The following TANC1 variants were observed in gnomAD, a reference collection of about 807,000 sequenced individuals.
The protein encoded by TANC1 is protein TANC1.
Under a neutral mutation model 149.7 loss-of-function variants are expected in TANC1, and 77 were observed. The ratio of observed to expected loss-of-function variants is 0.51; its 90% CI spans 0.43 to 0.62. TANC1 has a LOEUF of 0.62. TANC1 is among the 20% of genes least tolerant of loss of function. TANC1 has a pLI of 0.00. For synonymous variants in TANC1, 854 were observed against 925.0 expected, an observed-to-expected ratio of 0.92 and a Z score of 1.39; for missense variants, 1,985 against 2,321.8, an observed-to-expected ratio of 0.85 and a Z score of 2.98.
intron 5 of TANC1, 157 bp from the exon 6 acceptor site, chr2:159,148,985 T>G: frequency 1.3e-6 from 1 of 761,144 alleles, no homozygotes; most frequent in Non-Finnish European, 2.1e-6. Context: ...TTAATTAGAA[T>G]GTATTGCTAG....
intron 3 of TANC1, among the ~76,000 whole-genome samples, chr2:159,069,089 C>T (rs903308261): frequency 1.3e-5 from 2 of 152,130 alleles, no homozygotes; most frequent in African/African-American, 2.4e-5. Context: ...TGAAAATCAT[C>T]GAGTAAACTC....
chr2:159,159,713 T>TGAGAGA (rs1429082453), intron 7 of TANC1, among the ~76,000 whole-genome samples: 12 of 65,642 alleles, frequency 1.8e-4, no homozygotes, highest in South Asian at 6.5e-4. Flanking sequence ...TGTGTGTGTG[T>TGAGAGA]GTGTGAGAGA....
rs1224862231 is a variant in TANC1 at position 159,198,993 on chromosome 2, G to A, written c.3184G>A (p.Gly1062Arg). Reference protein sequence around the residue: ...GHSSVVQCLLGMEKEHEVEVN... With the variant: ...GHSSVVQCLLRMEKEHEVEVN... Reference sequence around the variant, plus strand: ...CTGACAGGTGGTCCAGTGCTTGCTGGGGATGGAGAAGGAACATGAAGTAGA... The same window carrying A: ...CTGACAGGTGGTCCAGTGCTTGCTGAGGATGGAGAAGGAACATGAAGTAGA... Residue 1062 changes from glycine (G) to arginine (R), a missense_variant, in exon 19 of 27, where the codon GGG becomes AGG. Coordinates refer to ENST00000263635, the MANE Select transcript of TANC1 (RefSeq NM_033394.3). The A allele has an allele frequency of 6.2e-7, 1 of 1,613,982 alleles. No homozygotes were observed. Among genetic ancestry groups the A allele is most frequent in the Admixed American group, 1.7e-5 (1 of 60,002 alleles).
intron 22 of TANC1, among the ~76,000 whole-genome samples, chr2:159,223,152 G>A (rs546460518): frequency 6.6e-6 from 1 of 152,296 alleles, no homozygotes; most frequent in African/African-American, 2.4e-5. Flanking sequence ...GTGATTGCCT[G>A]CCTCGGCCTC....
At chr2:158,977,196 GT>G (rs1297055457) in intron 1 of TANC1, among the ~76,000 whole-genome samples, 1 of 152,062 alleles carries the variant, frequency 6.6e-6, no homozygotes. Flanking sequence ...CTGGAGTACA[GT>G]GGTGTGATGA....
chr2:159,079,212 A>G (rs958612523), intron 3 of TANC1, among the ~76,000 whole-genome samples: 1 of 152,056 alleles, frequency 6.6e-6, no homozygotes, highest in African/African-American at 2.4e-5. Context: ...GTTGTTTTTT[A>G]AAGAGATGGG....
At chr2:159,195,719 C>T (rs1278157396) in intron 17 of TANC1, among the ~76,000 whole-genome samples, 1 of 152,192 alleles carries the variant, frequency 6.6e-6, no homozygotes, top group Non-Finnish European at 1.5e-5. Context: ...TGCTGCACAT[C>T]ACCGCACCTC....
chr2:159,219,771 C>T lies in TANC1; in HGVS notation c.3582C>T (p.Val1194=). The T allele has an allele frequency of 6.2e-7, 1 of 1,614,182 alleles. No homozygotes were observed. The highest frequency in any genetic ancestry group is 1.1e-5 in the South Asian group (1 of 91,072). The change falls in exon 22 of 27, where the codon GTC becomes GTT. Residue 1194 remains valine, a synonymous_variant. Transcript: ENST00000263635. ...GTCTGAAAGGTCACAGGGCAGTGGT[C>T]CAGTATCTGGTTGAAGAAGGAGCTG... is the stretch of plus-strand genomic sequence containing the variant. ...WACLKGHRAV[V]QYLVEEGAAI...
At chr2:159,019,239 C>T (rs1420568046) in intron 2 of TANC1, among the ~76,000 whole-genome samples, 1 of 152,174 alleles carries the variant, frequency 6.6e-6, no homozygotes, top group Admixed American at 6.5e-5. Flanking sequence ...GGGAGGGAAA[C>T]TGAAGCCCAG....
chr2:159,019,922 G>A (rs1293973702), intron 2 of TANC1, among the ~76,000 whole-genome samples: 1 of 151,868 alleles, frequency 6.6e-6, no homozygotes, highest in Admixed American at 6.6e-5. Context: ...GTCAGTAAAT[G>A]CATGCTGAGC....
intron 7 of TANC1, among the ~76,000 whole-genome samples, chr2:159,160,941 T>C (rs2053989191): frequency 6.6e-6 from 1 of 151,232 alleles, no homozygotes; most frequent in Non-Finnish European, 1.5e-5. Context: ...TTTTCCTTCC[T>C]CTCCCTGCCA....
intron 2 of TANC1, among the ~76,000 whole-genome samples, chr2:159,056,458 C>A (rs1227653593): frequency 6.6e-6 from 1 of 152,070 alleles, no homozygotes; most frequent in Non-Finnish European, 1.5e-5. Flanking sequence ...ACTACAGGCG[C>A]CCGCCACCAC....
chr2:159,173,420 CAT>C (rs1196380824), intron 11 of TANC1, among the ~76,000 whole-genome samples: 1 of 152,112 alleles, frequency 6.6e-6, no homozygotes. Flanking sequence ...GCCTGGCCAA[CAT>C]ATTGAAACCT....
At chr2:159,037,918 G>A (rs900410575) in intron 2 of TANC1, among the ~76,000 whole-genome samples, 5 of 152,152 alleles carry the variant, frequency 3.3e-5, no homozygotes, top group Non-Finnish European at 7.4e-5. Context: ...TGATGGAGAT[G>A]GCATTGAATC....
intron 4 of TANC1, among the ~76,000 whole-genome samples, chr2:159,098,453 T>C (rs759473319): frequency 6.6e-6 from 1 of 152,216 alleles, no homozygotes; most frequent in Non-Finnish European, 1.5e-5. Context: ...TGTATCCTCA[T>C]CATTAAGTGA....
chr2:159,118,162 G>A (rs1414855087), intron 4 of TANC1, among the ~76,000 whole-genome samples: 2 of 152,182 alleles, frequency 1.3e-5, no homozygotes, highest in African/African-American at 2.4e-5. Context: ...CCTGGCCAAC[G>A]TAGTGGGTGC....
At chr2:159,226,883 A>G (rs1359421446) in intron 24 of TANC1, 1 of 152,244 alleles carries the variant, frequency 6.6e-6, no homozygotes, top group Non-Finnish European at 1.5e-5. Flanking sequence ...GTGGCTGGCC[A>G]GACTTAGTAT....
chr2:158,970,396 A>AT (rs2032680518), intron 1 of TANC1, among the ~76,000 whole-genome samples: 1 of 152,210 alleles, frequency 6.6e-6, no homozygotes, highest in Non-Finnish European at 1.5e-5. Flanking sequence ...TACTAGGAAG[A>AT]TTCCAGGATT....
intron 3 of TANC1, among the ~76,000 whole-genome samples, chr2:159,085,196 A>G (rs779028254): frequency 2.6e-5 from 4 of 152,128 alleles, no homozygotes; most frequent in Non-Finnish European, 5.9e-5. Flanking sequence ...CAAAGCCAGG[A>G]TACTTCTCAG....
Sources: gnomAD v4.1 joint callset for allele counts (sites outside exome capture counted in the v4.1 genomes callset) on GRCh38, gnomAD v4.1.1 for gene constraint, MANE v1.5 for transcripts, NCBI Gene and HGNC (gene_info 2026-07-23, HGNC 2026-07-21) for gene names.